The following OSBPL6 variants were observed in gnomAD, a reference collection of about 807,000 sequenced individuals.
The protein encoded by OSBPL6 is oxysterol binding protein like 6, also known as oxysterol-binding protein-related protein 6.
A neutral mutation model predicts 125.8 loss-of-function variants in OSBPL6; 49 were observed. That is an observed-to-expected ratio of 0.39 (90% CI 0.31 to 0.49). OSBPL6 has a LOEUF of 0.49. Among genes scored for constraint, OSBPL6 ranks in the 20% least tolerant of loss-of-function variants. The pLI is 0.88. For synonymous variants in OSBPL6, 394 were observed against 391.8 expected (o/e 1.01, Z -0.07); for missense variants, 986 against 1,135.4 (o/e 0.87, Z 1.89).
chr2:178,277,464 A>G (rs1423263494), intron 1 of OSBPL6, among the ~76,000 whole-genome samples: 3 of 152,200 alleles, frequency 2.0e-5, no homozygotes, highest in Non-Finnish European at 4.4e-5. Flanking sequence ...AAGAAAGAAA[A>G]CACTTTCCCT....
intron 1 of OSBPL6, among the ~76,000 whole-genome samples, chr2:178,275,080 A>G (rs1176626135): frequency 6.6e-6 from 1 of 152,218 alleles, no homozygotes; most frequent in Non-Finnish European, 1.5e-5. Context: ...ACAATGAAAG[A>G]TGGCCTGGAG....
At chr2:178,387,025 G>T (rs1203578010) in intron 19 of OSBPL6, 36 bp from the exon 20 acceptor site, 1 of 1,367,292 alleles carries the variant, frequency 7.3e-7, no homozygotes, top group Non-Finnish European at 1.0e-6. Flanking sequence ...TTAGATATGG[G>T]GTATGTATTT....
intron 12 of OSBPL6, 146 bp downstream of exon 12, chr2:178,349,535 A>G: frequency 7.6e-6 from 7 of 917,862 alleles, no homozygotes; most frequent in Non-Finnish European, 1.1e-5. Context: ...ACAAAAATGC[A>G]ACAGGACATG....
intron 21 of OSBPL6, among the ~76,000 whole-genome samples, chr2:178,389,394 GA>G (rs1347003844): frequency 6.6e-6 from 1 of 152,156 alleles, no homozygotes; most frequent in Non-Finnish European, 1.5e-5. Flanking sequence ...TCTTTTTAAA[GA>G]ATTTTCTTTT....
chr2:178,317,689 G>C (rs890294983), intron 3 of OSBPL6, among the ~76,000 whole-genome samples: 7 of 150,392 alleles, frequency 4.7e-5, no homozygotes, highest in Admixed American at 2.0e-4. Context: ...CCAACTTTCT[G>C]TCTCAAATGA....
At chr2:178,214,741 T>C (rs1484437183) in intron 1 of OSBPL6, among the ~76,000 whole-genome samples, 1 of 151,228 alleles carries the variant, frequency 6.6e-6, no homozygotes, top group African/African-American at 2.4e-5. Flanking sequence ...AGCCCAGGAG[T>C]TTGAAGCCAG....
chr2:178,282,755 G>T (rs146272758), intron 1 of OSBPL6, among the ~76,000 whole-genome samples: 1 of 152,126 alleles, frequency 6.6e-6, no homozygotes, highest in Non-Finnish European at 1.5e-5. Flanking sequence ...GGTTTCAAGC[G>T]ATTCTCCTGC....
intron 3 of OSBPL6, among the ~76,000 whole-genome samples, chr2:178,307,562 C>T (rs950881677): frequency 2.0e-5 from 3 of 147,820 alleles, no homozygotes; most frequent in African/African-American, 5.4e-5. Flanking sequence ...TATTGTATTG[C>T]ACTTACAGAG....
intron 17 of OSBPL6, among the ~76,000 whole-genome samples, 189 bp downstream of exon 17, chr2:178,383,466 C>G (rs1559321094): frequency 1.3e-5 from 2 of 152,202 alleles, no homozygotes; most frequent in South Asian, 4.1e-4. Context: ...GGAAGACACA[C>G]TTTTTGTGCC....
rs765904234 is a variant in OSBPL6 at position 178,384,170 on chromosome 2, A to G, written c.2007A>G (p.Ser669=). Residue 669 remains serine, a synonymous_variant, in exon 18 of 25, where the codon TCA becomes TCG. Coordinates refer to ENST00000190611, the MANE Select transcript of OSBPL6 (RefSeq NM_032523.4). The part of the protein sequence containing the change: ...IREDKGFRFF[S]EQVSHHPPIS... ...AAGACAAGGGATTCCGCTTTTTCTCAGAACAGGTAAGCGCCACTGGACTCA... is the reference window on the plus strand; with the variant it reads ...AAGACAAGGGATTCCGCTTTTTCTCGGAACAGGTAAGCGCCACTGGACTCA... 1.2e-6 allele frequency: 2 copies of G among 1,613,670 alleles called. No individual in the cohort carries two copies. The highest frequency in any genetic ancestry group is 2.2e-5 in the East Asian group (1 of 44,884).
At chr2:178,198,245 A>C (rs2089020807) in intron 1 of OSBPL6, among the ~76,000 whole-genome samples, 1 of 152,174 alleles carries the variant, frequency 6.6e-6, no homozygotes, top group African/African-American at 2.4e-5. Context: ...AGAAGAGGAG[A>C]GTCAAAGGTA....
intron 2 of OSBPL6, among the ~76,000 whole-genome samples, chr2:178,303,108 A>C (rs1241594208): frequency 6.6e-6 from 1 of 152,228 alleles, no homozygotes; most frequent in Non-Finnish European, 1.5e-5. Flanking sequence ...GAATGCCTTC[A>C]TAAAACAAAA....
At chr2:178,298,165 A>G (rs1685930305) in intron 2 of OSBPL6, among the ~76,000 whole-genome samples, 1 of 152,216 alleles carries the variant, frequency 6.6e-6, no homozygotes, top group Non-Finnish European at 1.5e-5. Context: ...TCACTTTAAA[A>G]TGATGCCTTC....
Position 178,328,470 on chromosome 2 carries a change from AG to A in OSBPL6, c.318+93del, listed in dbSNP as rs1688894636. The A allele has an allele frequency of 7.3e-6, 11 of 1,499,546 alleles. No individual in the cohort carries two copies. The Admixed American group carries it at 1.9e-4, about 26-fold the overall frequency. The allele number at this position is 1,499,546 out of a possible 1,614,324, so 92.9% of individuals were successfully genotyped here. ...TGGGGTGGGAAACTAAGAATATGGCAGTATGTGTAAAACTAGCTTTTTAAAA... is the reference window on the plus strand; with the variant it reads ...TGGGGTGGGAAACTAAGAATATGGCATATGTGTAAAACTAGCTTTTTAAAA... On this transcript the variant is annotated intron_variant, in intron 5 of 24. Transcript: ENST00000190611.
At chr2:178,222,559 C>T (rs2090386660) in intron 1 of OSBPL6, among the ~76,000 whole-genome samples, 1 of 152,250 alleles carries the variant, frequency 6.6e-6, no homozygotes, top group Non-Finnish European at 1.5e-5. Context: ...AGGAGAATGG[C>T]GTGAACCCAG....
intron 11 of OSBPL6, among the ~76,000 whole-genome samples, chr2:178,344,979 C>CCA (rs1217457093): frequency 6.6e-6 from 1 of 151,862 alleles, no homozygotes. Context: ...AAATCCATAT[C>CCA]TAGAGGTTTT....
intron 19 of OSBPL6, 75 bp from the exon 20 acceptor site, chr2:178,386,986 A>G (rs780370970): frequency 2.1e-6 from 2 of 955,798 alleles, no homozygotes; most frequent in Non-Finnish European, 3.2e-6. Flanking sequence ...AAAGTGTAAT[A>G]CAAAAGTTAG....
intron 22 of OSBPL6, among the ~76,000 whole-genome samples, chr2:178,391,448 A>T (rs1338441718): frequency 6.6e-6 from 1 of 152,252 alleles, no homozygotes. Context: ...TCTGACAGGC[A>T]GTCAGAGATT....
At chr2:178,204,800 C>A (rs2089446731) in intron 1 of OSBPL6, among the ~76,000 whole-genome samples, 1 of 152,150 alleles carries the variant, frequency 6.6e-6, no homozygotes, top group Admixed American at 6.5e-5. Context: ...GGAAGCCCAC[C>A]TGAGAGGGAG....
Sources: allele counts gnomAD v4.1 joint callset (sites outside exome capture counted in the v4.1 genomes callset), GRCh38; gene constraint gnomAD v4.1.1; transcripts MANE v1.5; gene names NCBI Gene and HGNC (gene_info 2026-07-23, HGNC 2026-07-21).